Variants in DCDC1 observed in about 807,000 individuals in gnomAD.
DCDC1 encodes the protein doublecortin domain containing 1, also known as doublecortin domain-containing protein 1.
DCDC1 carries 200 observed loss-of-function variants against 178.3 expected under a neutral mutation model. That is an observed-to-expected ratio of 1.12 (90% CI 1.00 to 1.26). DCDC1 has a LOEUF of 1.26. DCDC1 is among the 50% of genes most tolerant of loss of function. DCDC1 has a pLI of 0.00. For synonymous variants in DCDC1, 690 were observed against 604.8 expected (o/e 1.14, Z -2.07); for missense variants, 1,983 against 1,749.2 (o/e 1.13, Z -2.38).
At chr11:31,315,409 T>G (rs956677338) in intron 3 of DCDC1, among the ~76,000 whole-genome samples, 12 of 138,342 alleles carry the variant, frequency 8.7e-5, no homozygotes, top group African/African-American at 2.4e-4. Context: ...CAGTCTCGGC[T>G]CACTGCAAGC....
chr11:31,240,362 G>T (rs996302402), intron 9 of DCDC1, among the ~76,000 whole-genome samples: 2 of 151,592 alleles, frequency 1.3e-5, no homozygotes, highest in Admixed American at 6.6e-5. Flanking sequence ...CCTGTTTCTG[G>T]ATTTGCTGAA....
chr11:31,043,651 T>C (rs749902769), intron 20 of DCDC1, among the ~76,000 whole-genome samples: 2 of 152,124 alleles, frequency 1.3e-5, no homozygotes, highest in Non-Finnish European at 2.9e-5. Flanking sequence ...ATTACAGTTA[T>C]TGTCATGGCA....
intron 9 of DCDC1, among the ~76,000 whole-genome samples, chr11:31,232,820 G>A (rs956048075): frequency 1.3e-5 from 2 of 152,080 alleles, no homozygotes; most frequent in Non-Finnish European, 2.9e-5. Flanking sequence ...AATCTTTGGT[G>A]GCTCATGCCT....
At chr11:31,031,760 T>C (rs966101991) in intron 20 of DCDC1, among the ~76,000 whole-genome samples, 3 of 152,124 alleles carry the variant, frequency 2.0e-5, no homozygotes, top group Non-Finnish European at 4.4e-5. Context: ...AAATTTTCTC[T>C]CAAATAAGCA....
chr11:30,906,846 T>G (rs959703946), intron 29 of DCDC1, 121 bp from the exon 30 acceptor site: 124 of 911,884 alleles, frequency 1.4e-4, no homozygotes, highest in Non-Finnish European at 1.8e-4. Context: ...AATTTAAATT[T>G]TATGCTAAAT....
At chr11:31,149,465 A>G (rs1352371326) in intron 9 of DCDC1, among the ~76,000 whole-genome samples, 1 of 152,106 alleles carries the variant, frequency 6.6e-6, no homozygotes, top group East Asian at 1.9e-4. Flanking sequence ...GGGCGGGGCC[A>G]AATAAGAGAA....
intron 15 of DCDC1, among the ~76,000 whole-genome samples, chr11:31,101,528 T>C (rs1958502522): frequency 6.6e-6 from 1 of 152,290 alleles, no homozygotes; most frequent in South Asian, 2.1e-4. Flanking sequence ...ACTATAGAGA[T>C]AGCAGCCATC....
chr11:31,355,433 G>C (rs754155741), intron 1 of DCDC1, among the ~76,000 whole-genome samples: 7 of 152,010 alleles, frequency 4.6e-5, no homozygotes, highest in African/African-American at 9.7e-5. Flanking sequence ...CAGGAGACTT[G>C]TTGTTCCTCA....
rs530897315 is a variant in DCDC1, at chr11:30,933,875, C to T, written c.2716-1923G>A. Among the ~76,000 whole-genome samples the T allele has an allele frequency of 2.2e-4, 34 of 152,334 alleles. No individual in the cohort carries two copies. In the East Asian group the frequency reaches 6.4e-3, roughly 28 times the overall value. ...GGGTCATCAATTCCAGCATTCTCTG[C>T]CAGTTCACTGGCTAGAGTTGTCAGC... On this transcript the variant is annotated intron_variant, in intron 21 of 38. Transcript: ENST00000684477.
intron 20 of DCDC1, among the ~76,000 whole-genome samples, chr11:30,973,819 T>C (rs929310180): frequency 2.6e-5 from 4 of 152,194 alleles, no homozygotes; most frequent in African/African-American, 9.6e-5. Flanking sequence ...ACTCTCAACA[T>C]AGACAGGTCA....
intron 9 of DCDC1, among the ~76,000 whole-genome samples, chr11:31,150,453 TA>T (rs975116425): frequency 8.1e-4 from 124 of 152,278 alleles, no homozygotes; most frequent in African/African-American, 2.9e-3. Context: ...TCAGTATATA[TA>T]AAAAGGGCAT....
chr11:31,047,675 C>G (rs1242766650), intron 20 of DCDC1, among the ~76,000 whole-genome samples: 1 of 152,086 alleles, frequency 6.6e-6, no homozygotes, highest in Non-Finnish European at 1.5e-5. Flanking sequence ...TTTGTCACTA[C>G]TAAGTTATTT....
At chr11:31,103,250 T>C (rs570825567) in intron 14 of DCDC1, among the ~76,000 whole-genome samples, 31 of 152,334 alleles carry the variant, frequency 2.0e-4, no homozygotes, top group African/African-American at 7.5e-4. Context: ...ACATTGCTTT[T>C]GTTTTAAATG....
intron 20 of DCDC1, among the ~76,000 whole-genome samples, chr11:31,037,158 C>A (rs927485666): frequency 1.3e-5 from 2 of 152,138 alleles, no homozygotes; most frequent in Non-Finnish European, 1.5e-5. Context: ...TCATCAGTAT[C>A]ATTTTAAATC....
chr11:31,086,855 G>C (rs1042950665), intron 17 of DCDC1, among the ~76,000 whole-genome samples: 1 of 152,078 alleles, frequency 6.6e-6, no homozygotes, highest in African/African-American at 2.4e-5. Flanking sequence ...ACTGGTCTAT[G>C]ATTTTTTCCC....
intron 20 of DCDC1, among the ~76,000 whole-genome samples, chr11:31,016,996 G>C (rs1952519333): frequency 6.6e-6 from 1 of 152,146 alleles, no homozygotes; most frequent in African/African-American, 2.4e-5. Flanking sequence ...GAAATTGTTT[G>C]ATTGTCCAGT....
chr11:31,276,275 C>A (rs1050338068), intron 7 of DCDC1, among the ~76,000 whole-genome samples: 1 of 152,094 alleles, frequency 6.6e-6, no homozygotes, highest in Non-Finnish European at 1.5e-5. Flanking sequence ...AAAAAGCAAA[C>A]CATTTAATTA....
intron 20 of DCDC1, among the ~76,000 whole-genome samples, chr11:31,056,677 A>C (rs900158261): frequency 7.2e-5 from 11 of 152,162 alleles, no homozygotes; most frequent in Non-Finnish European, 1.6e-4. Context: ...TAGAAAAGAA[A>C]AATTCATAAA....
At chr11:30,911,753 A>T (rs1309752121) in intron 27 of DCDC1, among the ~76,000 whole-genome samples, 2 of 151,990 alleles carry the variant, frequency 1.3e-5, no homozygotes, top group Non-Finnish European at 2.9e-5. Flanking sequence ...GGGCTTGCCT[A>T]TTGCTCCTTT....
Sources: allele counts gnomAD v4.1 joint callset (sites outside exome capture counted in the v4.1 genomes callset), GRCh38; gene constraint gnomAD v4.1.1; transcripts MANE v1.5; gene names NCBI Gene and HGNC (gene_info 2026-07-23, HGNC 2026-07-21).